Variants in FGF12 observed in about 807,000 individuals in gnomAD.
The protein encoded by FGF12 is fibroblast growth factor 12.
Under a neutral mutation model 23.6 loss-of-function variants are expected in FGF12, and 14 were observed. That is an observed-to-expected ratio of 0.59 (90% CI 0.39 to 0.93). The LOEUF is 0.93. FGF12 is among the 40% of genes least tolerant of loss of function. The pLI, the probability that FGF12 is intolerant of heterozygous loss-of-function variation, is 0.00. For synonymous variants in FGF12, 62 were observed against 77.3 expected, an observed-to-expected ratio of 0.80 and a Z score of 1.04; for missense variants, 175 against 217.8, an observed-to-expected ratio of 0.80 and a Z score of 1.24.
chr3:192,358,143 A>T (rs1257687568), intron 3 of FGF12, among the ~76,000 whole-genome samples: 1 of 151,960 alleles, frequency 6.6e-6, no homozygotes, highest in Non-Finnish European at 1.5e-5. Context: ...ATGAATTAAA[A>T]TTTTTTCTTA....
intron 2 of FGF12, among the ~76,000 whole-genome samples, chr3:192,630,875 G>C (rs1414731963): frequency 1.3e-5 from 2 of 151,166 alleles, no homozygotes; most frequent in African/African-American, 2.4e-5. Context: ...TTTTTTCTTA[G>C]AAAAACTATA....
intron 4 of FGF12, among the ~76,000 whole-genome samples, chr3:192,213,473 C>T (rs556588438): frequency 2.4e-4 from 36 of 152,250 alleles, no homozygotes; most frequent in African/African-American, 8.4e-4. Context: ...TATAAATATG[C>T]ATCTCATTTC....
At chr3:192,256,395 A>G (rs548454545) in intron 4 of FGF12, among the ~76,000 whole-genome samples, 1 of 151,746 alleles carries the variant, frequency 6.6e-6, no homozygotes, top group East Asian at 1.9e-4. Flanking sequence ...ACACACGTAA[A>G]CCTATAAGCA....
chr3:192,292,322 A>C (rs931013157), intron 4 of FGF12, among the ~76,000 whole-genome samples: 4 of 151,976 alleles, frequency 2.6e-5, no homozygotes, highest in African/African-American at 9.7e-5. Flanking sequence ...TGTTTGCAGA[A>C]TATTATACAG....
chr3:192,515,834 C>CTTTTTTTTTT (rs10681949), intron 2 of FGF12, among the ~76,000 whole-genome samples: 3 of 147,660 alleles, frequency 2.0e-5, no homozygotes, highest in Non-Finnish European at 3.0e-5. Context: ...CCCCTTGACT[C>CTTTTTTTTTT]TTTTTTTTTT....
chr3:192,222,736 G>A (rs78088712), intron 4 of FGF12, among the ~76,000 whole-genome samples: 150 of 152,196 alleles, frequency 9.9e-4, no homozygotes, highest in Middle Eastern at 6.8e-3. Flanking sequence ...AAGTTAACCC[G>A]ATACAACAGG....
At chr3:192,596,568 A>C (rs1713863890) in intron 2 of FGF12, among the ~76,000 whole-genome samples, 1 of 146,662 alleles carries the variant, frequency 6.8e-6, no homozygotes, top group Admixed American at 6.8e-5. Context: ...TTTCCCTAGG[A>C]TACAAAGCAA....
At chr3:192,368,225 T>C (rs961232243) in intron 2 of FGF12, among the ~76,000 whole-genome samples, 1 of 152,100 alleles carries the variant, frequency 6.6e-6, no homozygotes, top group African/African-American at 2.4e-5. Flanking sequence ...TCACTGAACA[T>C]AGATGTGAAG....
intron 2 of FGF12, among the ~76,000 whole-genome samples, chr3:192,548,332 TA>T (rs1385905831): frequency 6.6e-6 from 1 of 152,180 alleles, no homozygotes; most frequent in African/African-American, 2.4e-5. Context: ...AAATATTTCT[TA>T]AATTTCAAAT....
rs2108574077 is a variant in FGF12 at position 192,142,481 on chromosome 3, A to G, written c.*1528T>C. The G allele has an allele frequency of 6.6e-6, 1 of 152,480 alleles. No homozygotes were observed. Among genetic ancestry groups the G allele is most frequent in the Non-Finnish European group, 1.5e-5 (1 of 67,906 alleles). 9.4% of individuals were successfully genotyped at this position (152,480 alleles called of 1,614,324 possible). A position where few individuals can be genotyped will look rare whatever the true frequency, so the allele number is the denominator to read the frequency against. ...TCCATAAATCTGCATACATTTTTTA[A>G]CATTCTGTTTTGTGTTTTTTTTTCT... On this transcript the variant is annotated 3_prime_UTR_variant, in exon 6 of 6. Coordinates refer to ENST00000445105, the MANE Select transcript of FGF12 (RefSeq NM_004113.6).
At chr3:192,233,003 A>G (rs1719103932) in intron 4 of FGF12, among the ~76,000 whole-genome samples, 1 of 152,134 alleles carries the variant, frequency 6.6e-6, no homozygotes, top group South Asian at 2.1e-4. Flanking sequence ...GAATAATGCT[A>G]CAGTGAACAT....
In FGF12 at chr3:192,697,802, A is replaced by G. The variant is rs569070868; in HGVS notation, c.13+29379T>C. 1.2e-4 allele frequency among the ~76,000 whole-genome samples: 18 copies of G among 152,270 alleles called. No individual in the cohort carries two copies. In the South Asian group the frequency reaches 1.2e-3, roughly 11 times the overall value. On this transcript the variant is annotated intron_variant, in intron 2 of 5. Transcript: ENST00000445105. ...GCACACGACTCCTTAGAGGACTTGC[A>G]TTTGCTGTTCCCTCCATCTGAAATG... is the stretch of plus-strand genomic sequence containing the variant.
intron 2 of FGF12, among the ~76,000 whole-genome samples, chr3:192,442,237 A>G (rs1722220495): frequency 2.0e-5 from 3 of 152,196 alleles, no homozygotes; most frequent in Admixed American, 2.0e-4. Flanking sequence ...ATGTCTGTGC[A>G]TTCATTGGGC....
At chr3:192,601,923 T>C (rs974602547) in intron 2 of FGF12, among the ~76,000 whole-genome samples, 8 of 152,158 alleles carry the variant, frequency 5.3e-5, no homozygotes, top group African/African-American at 1.9e-4. Flanking sequence ...GTCCATTTTT[T>C]TTAAGTATTT....
At chr3:192,203,604 G>GA (rs1717492148) in intron 4 of FGF12, among the ~76,000 whole-genome samples, 1 of 122,922 alleles carries the variant, frequency 8.1e-6, no homozygotes, top group Non-Finnish European at 1.6e-5. Context: ...GTCTTACTCT[G>GA]ACACCCCAGG....
chr3:192,577,175 G>T (rs1439079566), intron 2 of FGF12, among the ~76,000 whole-genome samples: 26 of 152,106 alleles, frequency 1.7e-4, no homozygotes, highest in Admixed American at 1.7e-3. Flanking sequence ...TGCACATTCT[G>T]CACATGTATC....
At chr3:192,716,410 A>G (rs973745701) in intron 2 of FGF12, among the ~76,000 whole-genome samples, 4 of 152,240 alleles carry the variant, frequency 2.6e-5, no homozygotes, top group Non-Finnish European at 5.9e-5. Context: ...TAGTAAAACT[A>G]TGATTTAAAA....
intron 4 of FGF12, among the ~76,000 whole-genome samples, chr3:192,174,373 C>T (rs571753108): frequency 2.0e-5 from 3 of 152,258 alleles, no homozygotes; most frequent in Admixed American, 6.5e-5. Context: ...GCACAGCATC[C>T]AGGTCCTAAT....
chr3:192,203,811 C>G (rs9852366), intron 4 of FGF12, among the ~76,000 whole-genome samples: 7,539 of 151,924 alleles, frequency 0.05, 637 homozygotes, highest in African/African-American at 0.17. Flanking sequence ...ACTATGTTGC[C>G]CAGGCTGGTC....
Sources: allele counts gnomAD v4.1 joint callset (sites outside exome capture counted in the v4.1 genomes callset), GRCh38; gene constraint gnomAD v4.1.1; transcripts MANE v1.5; gene names NCBI Gene and HGNC (gene_info 2026-07-23, HGNC 2026-07-21).